IGDCC4: variants seen among roughly 807,000 people sequenced by gnomAD.
The protein encoded by IGDCC4 is immunoglobulin superfamily DCC subclass member 4, also known as likely ortholog of mouse neighbor of Punc E11.
In IGDCC4, 72 loss-of-function variants were observed where a neutral mutation model predicts 116.6. The observed-to-expected ratio is 0.62, with a 90% CI of 0.51 to 0.75. The LOEUF (loss-of-function observed/expected upper bound fraction) is 0.75. Among genes scored for constraint, IGDCC4 ranks in the 30% least tolerant of loss-of-function variants. IGDCC4 has a pLI of 0.00. For synonymous variants in IGDCC4, 709 were observed against 719.9 expected, an observed-to-expected ratio of 0.98 and a Z score of 0.24; for missense variants, 1,501 against 1,662.4, an observed-to-expected ratio of 0.90 and a Z score of 1.69.
intron 1 of IGDCC4, among the ~76,000 whole-genome samples, chr15:65,421,589 C>T (rs1454490603): frequency 1.3e-5 from 2 of 152,144 alleles, no homozygotes; most frequent in Non-Finnish European, 2.9e-5. Context: ...GCTGGCCAGG[C>T]GGAGGCTCCT....
intron 5 of IGDCC4, among the ~76,000 whole-genome samples, chr15:65,398,816 G>A (rs1401099662): frequency 1.3e-5 from 2 of 152,098 alleles, no homozygotes; most frequent in African/African-American, 4.8e-5. Context: ...GCTTGAACCG[G>A]GAGGCGGAAG....
intron 18 of IGDCC4, 83 bp downstream of exon 18, chr15:65,385,748 A>T (rs553712734): frequency 2.9e-5 from 33 of 1,128,878 alleles, no homozygotes. Flanking sequence ...AGGTAGAGCC[A>T]TGCTCGCATA....
rs1301903057 is a variant in IGDCC4, at chr15:65,396,874, C to T, written c.957G>A (p.Thr319=). The change falls in exon 6 of 20, where the codon ACG becomes ACA. Residue 319 remains threonine, a synonymous_variant. Coordinates refer to ENST00000352385, the MANE Select transcript of IGDCC4 (RefSeq NM_020962.3). ...VYVCRANKPR[T]RDFATAAAEL... The stretch of plus-strand genomic sequence containing the variant: ...CAGCGGCTGCAGTGGCGAAGTCGCG[C>T]GTGCGGGGCTTGTTGGCGCGGCAGA... 3.2e-6 allele frequency: 5 copies of T among 1,576,334 alleles called. No individual in the cohort carries two copies. Among genetic ancestry groups the T allele is most frequent in the African/African-American group, 1.3e-5 (1 of 74,240 alleles).
chr15:65,420,226 C>T (rs1294366090), intron 1 of IGDCC4, among the ~76,000 whole-genome samples: 1 of 152,198 alleles, frequency 6.6e-6, no homozygotes, highest in Non-Finnish European at 1.5e-5. Context: ...GGATTACAGG[C>T]GTGAGCCACC....
At chr15:65,420,056 C>G (rs1015379673) in intron 1 of IGDCC4, among the ~76,000 whole-genome samples, 1 of 139,044 alleles carries the variant, frequency 7.2e-6, no homozygotes, top group African/African-American at 2.7e-5. Context: ...AAACGATTCT[C>G]GAGTCTCAGA....
At chr15:65,422,235 AACGGGATCC>A (rs2063199257) in intron 1 of IGDCC4, among the ~76,000 whole-genome samples, 1 of 152,030 alleles carries the variant, frequency 6.6e-6, no homozygotes, top group South Asian at 2.1e-4. Flanking sequence ...CCCCCAGTCA[AACGGGATCC>A]ATCGCTCTGT....
chr15:65,394,273 T>C, intron 9 of IGDCC4, 138 bp downstream of exon 9: 3 of 1,384,156 alleles, frequency 2.2e-6, no homozygotes, highest in Non-Finnish European at 3.0e-6. Context: ...CCCCTGTTTT[T>C]CAGGTTCACC....
chr15:65,390,150 C>T lies in IGDCC4; in HGVS notation c.2408+5G>A, dbSNP rs2091499749. 4 of 1,573,802 alleles carry T rather than the reference C, an allele frequency of 2.5e-6. No homozygotes were observed. Among genetic ancestry groups the T allele is most frequent in the Non-Finnish European group, 3.5e-6 (4 of 1,149,814 alleles). ...CTTTACATTAGTAAAGGCATTAGTC[C>T]CCACCTGGTGTAATAGGTGACCAGG... On this transcript the variant is annotated splice_donor_5th_base_variant and intron_variant, in intron 13 of 19. Transcript: ENST00000352385.
intron 1 of IGDCC4, among the ~76,000 whole-genome samples, chr15:65,418,543 T>C (rs1306029386): frequency 6.6e-6 from 1 of 152,078 alleles, no homozygotes; most frequent in African/African-American, 2.4e-5. Context: ...GATACCTCAC[T>C]CAGCCTCAGC....
rs59427018 is a variant in IGDCC4 at position 65,393,279 on chromosome 15, G to C, written c.1885+82C>G. The C allele has an allele frequency of 1.4e-6, 2 of 1,427,064 alleles. No homozygotes were observed. The highest frequency in any genetic ancestry group is 4.9e-5 in the Admixed American group (2 of 40,792). 88.4% of individuals were successfully genotyped at this position (1,427,064 alleles called of 1,614,324 possible). A position where few individuals can be genotyped will look rare whatever the true frequency, so the allele number is the denominator to read the frequency against. On this transcript the variant is annotated intron_variant, in intron 10 of 19. Coordinates refer to ENST00000352385, the MANE Select transcript of IGDCC4 (RefSeq NM_020962.3). This position sits in a 1 kb window ranked among gnomAD's most constrained non-coding sequence, Gnocchi z 4.6. ...GTCTCTGATGGAGGGCGGGGCCAGG[G>C]GGTGGGGCGCTGGGTCCCAAGGACA...
At chr15:65,392,109 T>TCCCCCCCCCCCCCCCC in intron 11 of IGDCC4, 25 bp downstream of exon 11, 2 of 1,136,526 alleles carry the variant, frequency 1.8e-6, no homozygotes, top group African/African-American at 1.6e-5. Context: ...CATCCCTCCC[T>TCCCCCCCCCCCCCCCC]CCCCCTCCCC....
chr15:65,392,085 C>T (rs200080014), intron 11 of IGDCC4, 49 bp downstream of exon 11: 1 of 1,464,702 alleles, frequency 6.8e-7, no homozygotes, highest in Non-Finnish European at 9.1e-7. Context: ...CTTGCCCAGT[C>T]CCCACTGAAG....
chr15:65,414,831 A>C (rs1468133371), intron 1 of IGDCC4, among the ~76,000 whole-genome samples: 1 of 152,192 alleles, frequency 6.6e-6, no homozygotes, highest in African/African-American at 2.4e-5. Flanking sequence ...TAGTAGAGAC[A>C]GGGTTTCACC....
At chr15:65,400,646 G>A (rs758786004) in intron 5 of IGDCC4, among the ~76,000 whole-genome samples, 160 bp downstream of exon 5, 1 of 152,112 alleles carries the variant, frequency 6.6e-6, no homozygotes, top group Non-Finnish European at 1.5e-5. Flanking sequence ...ACGCAGCTCC[G>A]ACCTTGACCA....
intron 1 of IGDCC4, among the ~76,000 whole-genome samples, chr15:65,421,951 A>C (rs1419191746): frequency 6.6e-6 from 1 of 151,868 alleles, no homozygotes; most frequent in Non-Finnish European, 1.5e-5. Context: ...CTTACCCCGT[A>C]CCCACTCCGC....
chr15:65,392,216 T>C lies in IGDCC4; in HGVS notation c.2040A>G (p.Pro680=). Residue 680 remains proline, a synonymous_variant, in exon 11 of 20, where the codon CCA becomes CCG. Coordinates refer to ENST00000352385, the MANE Select transcript of IGDCC4 (RefSeq NM_020962.3). ...AEEEANGDRL[P]GGRGDQAWDV... ...CCCAAGCCTGGTCTCCACGGCCCCC[T>C]GGCAGGCGATCGCCATTGGCCTCCT... The C allele has an allele frequency of 6.2e-7, 1 of 1,613,620 alleles. No individual in the cohort carries two copies. Among genetic ancestry groups the C allele is most frequent in the Non-Finnish European group, 8.5e-7 (1 of 1,179,860 alleles).
chr15:65,421,940 A>T (rs2140248654), intron 1 of IGDCC4, among the ~76,000 whole-genome samples: 1 of 151,940 alleles, frequency 6.6e-6, no homozygotes, highest in East Asian at 1.9e-4. Flanking sequence ...GACAACTCTG[A>T]CTTACCCCGT....
At chr15:65,403,774 T>C (rs1031124585) in intron 3 of IGDCC4, among the ~76,000 whole-genome samples, 5 of 151,984 alleles carry the variant, frequency 3.3e-5, no homozygotes, top group Non-Finnish European at 7.4e-5. Context: ...GCATGATGGA[T>C]GAGGGTGTTC....
chr15:65,394,661 C>G, intron 8 of IGDCC4, 113 bp from the exon 9 acceptor site: 1 of 1,094,364 alleles, frequency 9.1e-7, no homozygotes, highest in Non-Finnish European at 1.3e-6. Context: ...AGGCCAGGAC[C>G]AGGATCTGAG....
Sources: gnomAD v4.1 joint callset for allele counts (sites outside exome capture counted in the v4.1 genomes callset) on GRCh38, gnomAD v4.1.1 for gene constraint, Gnocchi (gnomAD v3.1) non-coding constraint, MANE v1.5 for transcripts, NCBI Gene and HGNC (gene_info 2026-07-23, HGNC 2026-07-21) for gene names.